FRMD4A: variants seen among roughly 807,000 people sequenced by gnomAD.
FRMD4A encodes the protein FERM domain-containing protein 4A.
Under a neutral mutation model 129.1 loss-of-function variants are expected in FRMD4A, and 29 were observed. That is an observed-to-expected ratio of 0.22 (90% confidence interval 0.17 to 0.31). The LOEUF (loss-of-function observed/expected upper bound fraction) is 0.31, where lower values mean the gene tolerates loss of function less well. Ranked by LOEUF, FRMD4A falls within the 10% of genes least tolerant of loss-of-function variation. The pLI, the probability that FRMD4A is intolerant of heterozygous loss-of-function variation, is 1.00. For missense variants in FRMD4A, 1,272 were observed against 1,375.8 expected (o/e 0.92, Z 1.19); for synonymous variants, 634 against 571.6 (o/e 1.11, Z -1.56).
intron 2 of FRMD4A, among the ~76,000 whole-genome samples, chr10:13,935,389 G>T (rs893682990): frequency 4.1e-5 from 5 of 120,666 alleles, no homozygotes; most frequent in African/African-American, 1.6e-4. Context: ...AGTCAGCCAA[G>T]ATCATGCTAT....
At chr10:14,116,129 C>G (rs892947548) in intron 2 of FRMD4A, among the ~76,000 whole-genome samples, 1 of 152,190 alleles carries the variant, frequency 6.6e-6, no homozygotes, top group African/African-American at 2.4e-5. Context: ...TTTTTCTCCT[C>G]GGGCTATTGC....
At chr10:13,695,493 C>T (rs577362726) in intron 14 of FRMD4A, among the ~76,000 whole-genome samples, 4 of 152,304 alleles carry the variant, frequency 2.6e-5, no homozygotes, top group Admixed American at 6.5e-5. Flanking sequence ...TCGGTAGTGA[C>T]AATGTGTTTG....
At chr10:13,955,454 T>C (rs949460846) in intron 2 of FRMD4A, among the ~76,000 whole-genome samples, 9 of 152,214 alleles carry the variant, frequency 5.9e-5, no homozygotes, top group African/African-American at 2.2e-4. Flanking sequence ...TCCATCGTAC[T>C]CCTAATCCAA....
intron 2 of FRMD4A, among the ~76,000 whole-genome samples, chr10:13,969,711 G>A (rs139826658): frequency 1.3e-5 from 2 of 151,770 alleles, no homozygotes; most frequent in Admixed American, 6.6e-5. Context: ...AAAAATAGCT[G>A]AGCATGGTGA....
At chr10:14,054,106 A>C (rs1490466219) in intron 2 of FRMD4A, among the ~76,000 whole-genome samples, 1 of 152,122 alleles carries the variant, frequency 6.6e-6, no homozygotes, top group African/African-American at 2.4e-5. Flanking sequence ...TTGAGGCTGC[A>C]GTGAGCTCTG....
intron 14 of FRMD4A, among the ~76,000 whole-genome samples, chr10:13,694,395 G>T (rs1431767522): frequency 6.6e-6 from 1 of 152,116 alleles, no homozygotes; most frequent in Non-Finnish European, 1.5e-5. Context: ...CACCACCCAG[G>T]GGTTGGTTCG....
At chr10:14,297,137 A>ATTTTTTTTTTTT (rs34998308) in intron 2 of FRMD4A, among the ~76,000 whole-genome samples, 1 of 146,918 alleles carries the variant, frequency 6.8e-6, no homozygotes, top group Non-Finnish European at 1.5e-5. Context: ...TCTCTTTCTC[A>ATTTTTTTTTTTT]TTTTTTTTTT....
chr10:13,907,521 G>A lies in FRMD4A; in HGVS notation c.46-48609C>T, dbSNP rs111352484. Among the ~76,000 whole-genome samples, 942 of 152,248 alleles carry A rather than the reference G, an allele frequency of 6.2e-3. 15 individuals are homozygous for A. Among genetic ancestry groups the A allele is most frequent in the African/African-American group, 0.022 (897 of 41,536 alleles). ...GACAAAATGAAATGCCACAACCGCCGATTCTTACAATACTTACAGGCACCA... is the reference window on the plus strand; with the variant it reads ...GACAAAATGAAATGCCACAACCGCCAATTCTTACAATACTTACAGGCACCA... On this transcript the variant is annotated intron_variant, in intron 2 of 24. Coordinates refer to ENST00000357447, the MANE Select transcript of FRMD4A (RefSeq NM_018027.5).
intron 2 of FRMD4A, among the ~76,000 whole-genome samples, chr10:14,088,485 C>T (rs1836433548): frequency 6.6e-6 from 1 of 150,576 alleles, no homozygotes; most frequent in Non-Finnish European, 1.5e-5. Flanking sequence ...TCAGGCCAGG[C>T]ACAGTGGCTC....
At chr10:13,790,345 G>A (rs1334267205) in intron 5 of FRMD4A, among the ~76,000 whole-genome samples, 1 of 152,220 alleles carries the variant, frequency 6.6e-6, no homozygotes, top group Non-Finnish European at 1.5e-5. Context: ...ATGGCCTGGA[G>A]CTCGGGAGAG....
chr10:13,973,728 T>C (rs2095529848), intron 2 of FRMD4A, among the ~76,000 whole-genome samples: 1 of 134,846 alleles, frequency 7.4e-6, no homozygotes, highest in Non-Finnish European at 1.5e-5. Context: ...GATAGGAAGA[T>C]AAGAAGAAAG....
At chr10:14,293,659 G>C (rs1845918826) in intron 2 of FRMD4A, among the ~76,000 whole-genome samples, 2 of 151,226 alleles carry the variant, frequency 1.3e-5, no homozygotes, top group South Asian at 2.1e-4. Flanking sequence ...CCAGTGGTTA[G>C]AGATTAAAGT....
chr10:14,309,178 G>A (rs1846454172), intron 2 of FRMD4A, among the ~76,000 whole-genome samples: 1 of 152,152 alleles, frequency 6.6e-6, no homozygotes, highest in African/African-American at 2.4e-5. Context: ...GACTGGGCAT[G>A]GTGGCTCACG....
chr10:13,770,598 C>G (rs183982402), intron 6 of FRMD4A, among the ~76,000 whole-genome samples: 1 of 151,974 alleles, frequency 6.6e-6, no homozygotes, highest in Non-Finnish European at 1.5e-5. Flanking sequence ...CACACACCAC[C>G]GTGCTTAGCT....
At chr10:13,867,663 T>A (rs2094385373) in intron 2 of FRMD4A, among the ~76,000 whole-genome samples, 1 of 131,014 alleles carries the variant, frequency 7.6e-6, no homozygotes, top group Non-Finnish European at 1.6e-5. Flanking sequence ...ATATATAATA[T>A]ATAATATAAT....
intron 2 of FRMD4A, among the ~76,000 whole-genome samples, chr10:14,021,785 A>C (rs1832768671): frequency 1.3e-5 from 2 of 151,944 alleles, no homozygotes; most frequent in African/African-American, 4.8e-5. Context: ...ACTTTTGTGC[A>C]CCTCACCGAT....
At chr10:14,174,198 A>T (rs1038012156) in intron 2 of FRMD4A, among the ~76,000 whole-genome samples, 1 of 151,846 alleles carries the variant, frequency 6.6e-6, no homozygotes, top group Non-Finnish European at 1.5e-5. Context: ...GTCTAACTTG[A>T]ATCCCCAGCG....
At chr10:13,819,213 A>T (rs2130900439) in intron 3 of FRMD4A, among the ~76,000 whole-genome samples, 1 of 152,110 alleles carries the variant, frequency 6.6e-6, no homozygotes, top group East Asian at 1.9e-4. Flanking sequence ...AGACCACCCT[A>T]TGAACCCAGC....
chr10:13,774,338 G>T (rs2092543043), intron 6 of FRMD4A, among the ~76,000 whole-genome samples: 1 of 152,184 alleles, frequency 6.6e-6, no homozygotes, highest in Non-Finnish European at 1.5e-5. Context: ...AAGGTAGGAA[G>T]GCAGTGTTCA....
Sources: allele counts gnomAD v4.1 joint callset (sites outside exome capture counted in the v4.1 genomes callset), GRCh38; gene constraint gnomAD v4.1.1; transcripts MANE v1.5; gene names NCBI Gene and HGNC (gene_info 2026-07-23, HGNC 2026-07-21).